Variants in MACF1 observed in about 807,000 individuals in gnomAD.
MACF1 encodes microtubule-actin cross-linking factor 1.
Under a neutral mutation model 854.8 loss-of-function variants are expected in MACF1, and 193 were observed. The observed-to-expected ratio is 0.23, with a 90% CI of 0.20 to 0.25. The LOEUF (loss-of-function observed/expected upper bound fraction) is 0.25. MACF1 is among the 10% of genes least tolerant of loss of function. MACF1 has a pLI of 1.00. For missense variants in MACF1, 7,722 were observed against 8,929.1 expected, an observed-to-expected ratio of 0.86 and a Z score of 5.45; for synonymous variants, 3,185 against 3,226.7, an observed-to-expected ratio of 0.99 and a Z score of 0.44.
intron 6 of MACF1, chr1:39,269,482 A>T: frequency 7.8e-7 from 1 of 1,289,802 alleles, no homozygotes; most frequent in Non-Finnish European, 1.0e-6. Flanking sequence ...GAGCCTTCCC[A>T]TGTGGGTCAA....
chr1:39,348,423 C>T (rs1647104970), intron 41 of MACF1, among the ~76,000 whole-genome samples: 1 of 152,134 alleles, frequency 6.6e-6, no homozygotes, highest in Admixed American at 6.5e-5. Context: ...GCTTATTAAC[C>T]TTGTTATTGT....
chr1:39,318,683 G>T (rs1646458702), intron 30 of MACF1, 68 bp downstream of exon 30: 5 of 1,427,346 alleles, frequency 3.5e-6, no homozygotes, highest in Non-Finnish European at 3.7e-6. Context: ...AAAAGAAAAT[G>T]ATGTACTGGC....
Position 39,322,709 on chromosome 1 carries a change from T to C in MACF1, c.4131T>C (p.Thr1377=), listed in dbSNP as rs1481463942. 1 of 1,613,876 alleles carries C rather than the reference T, an allele frequency of 6.2e-7. No homozygotes were observed. The highest frequency in any genetic ancestry group is 1.3e-5 in the African/African-American group (1 of 74,900). Residue 1377 remains threonine, a synonymous_variant, in exon 32 of 101, where the codon ACT becomes ACC. Transcript: ENST00000564288. Reference sequence around the variant, plus strand: ...TGCTTTCCTCTTCAGATGCCATCACTCAAGAGGTGAGAGGGTGGGGGAAGG... The same window carrying C: ...TGCTTTCCTCTTCAGATGCCATCACCCAAGAGGTGAGAGGGTGGGGGAAGG... ...RRMLSSSDAI[T]QEFMDLRTRY...
chr1:39,287,738 C>A, intron 15 of MACF1, 176 bp downstream of exon 15: 1 of 665,480 alleles, frequency 1.5e-6, no homozygotes, highest in African/African-American at 1.8e-5. Flanking sequence ...AACTCCTGGG[C>A]TGAAGTGATC....
rs760821821 is a variant in MACF1, at chr1:39,331,781, A to G, written c.5193A>G (p.Lys1731=). 8 of 1,614,166 alleles carry G rather than the reference A, an allele frequency of 5.0e-6. No homozygotes were observed. The highest frequency in any genetic ancestry group is 2.2e-5 in the East Asian group (1 of 44,880). Residue 1731 remains lysine, a synonymous_variant, in exon 37 of 101, where the codon AAA becomes AAG. Transcript: ENST00000564288. ...CAGGATTCAAATTACTGCCTGTCAA[A>G]CAATTGGCAGGGGGGATGGTGAGCT... is the stretch of plus-strand genomic sequence containing the variant. ...QESGFKLLPV[K]QLAGGMVSLK...
chr1:39,477,135 T>TAC (rs1553458204), intron 97 of MACF1, among the ~76,000 whole-genome samples: 1,200 of 103,348 alleles, frequency 0.012, 90 homozygotes, highest in African/African-American at 0.037. Context: ...TATATATATA[T>TAC]ACACACACAC....
intron 58 of MACF1, chr1:39,412,039 C>A (rs765287920): frequency 6.2e-7 from 1 of 1,613,966 alleles, no homozygotes; most frequent in Admixed American, 1.7e-5. Flanking sequence ...GCCAGCTGAT[C>A]TGGATTCACT....
chr1:39,420,818 G>C (rs572535305), intron 58 of MACF1, among the ~76,000 whole-genome samples: 30 of 151,902 alleles, frequency 2.0e-4, no homozygotes, highest in African/African-American at 7.0e-4. Flanking sequence ...ATCCAGGCTA[G>C]TGAAATATAG....
intron 63 of MACF1, 100 bp downstream of exon 63, chr1:39,428,387 T>G: frequency 8.6e-7 from 1 of 1,166,410 alleles, no homozygotes; most frequent in Non-Finnish European, 1.2e-6. Context: ...TTACAAACAC[T>G]TCAACTTTAT....
At chr1:39,213,084 A>C (rs531394196) in intron 1 of MACF1, among the ~76,000 whole-genome samples, 45 of 152,248 alleles carry the variant, frequency 3.0e-4, no homozygotes, top group Non-Finnish European at 5.6e-4. Flanking sequence ...ATGGACATGT[A>C]ATCTTGGTCA....
chr1:39,340,717 G>A lies in MACF1; in HGVS notation c.10431G>A (p.Lys3477=). The stretch of plus-strand genomic sequence containing the variant: ...TCCAGAATGCTGTGGAAATAGAAAA[G>A]GTAGCATTTTGCTTTTATTCATAAA... ...LHFQNAVEIE[K]TKVLNQHTQL... is the part of the protein sequence containing the mutation. The change falls in exon 39 of 101, where the codon AAG becomes AAA. Residue 3477 remains lysine, a splice_region_variant and synonymous_variant. Transcript: ENST00000564288. 1 of 1,613,816 alleles carries A rather than the reference G, an allele frequency of 6.2e-7. No homozygotes were observed. Among genetic ancestry groups the A allele is most frequent in the Non-Finnish European group, 8.5e-7 (1 of 1,179,880 alleles).
In MACF1 at chr1:39,084,589, C is replaced by A; in HGVS notation, c.220+151C>A. ...TTTGTTATTATTATTCTTGGAAAGACGTTGAAATAACATTAACGAAAAACT... is the reference window on the plus strand; with the variant it reads ...TTTGTTATTATTATTCTTGGAAAGAAGTTGAAATAACATTAACGAAAAACT... On this transcript the variant is annotated intron_variant, in intron 2 of 93. Coordinates refer to the MACF1 transcript ENST00000361689. This position sits in a 1 kb window ranked among gnomAD's most constrained non-coding sequence, Gnocchi z 5.2. The A allele has an allele frequency of 1.4e-6, 1 of 709,072 alleles. No individual in the cohort carries two copies. Among genetic ancestry groups the A allele is most frequent in the South Asian group, 1.9e-5 (1 of 52,376 alleles). The allele number at this position is 709,072 out of a possible 1,614,324, so 43.9% of individuals were successfully genotyped here. A position where few individuals can be genotyped will look rare whatever the true frequency, so the allele number is the denominator to read the frequency against.
chr1:39,099,805 T>C (rs1035052832), intron 2 of MACF1, among the ~76,000 whole-genome samples: 2 of 152,214 alleles, frequency 1.3e-5, no homozygotes, highest in Non-Finnish European at 2.9e-5. Flanking sequence ...ATGAAATAGA[T>C]GTCTTTGCCC....
chr1:39,467,372 A>G (rs1429599308), intron 95 of MACF1, among the ~76,000 whole-genome samples: 6 of 152,156 alleles, frequency 3.9e-5, no homozygotes, highest in Admixed American at 6.5e-5. Context: ...CTCAAAAAAA[A>G]GAAAAAGAAA....
chr1:39,166,494 T>A (rs1198791369), intron 2 of MACF1, among the ~76,000 whole-genome samples: 1 of 151,626 alleles, frequency 6.6e-6, no homozygotes, highest in Non-Finnish European at 1.5e-5. Flanking sequence ...TTCGCTCTTA[T>A]TGCCCAGGCT....
At position 39,329,281 on chromosome 1, in the gene MACF1, A is replaced by T. The variant is rs541740082; in HGVS notation, c.4615-1922A>T. On this transcript the variant is annotated intron_variant, in intron 36 of 100. Transcript: ENST00000564288. ...GTAGAAATGGAGATGAGAACCAAAT[A>T]TACTGTTCTTTCATTTGCTATCCAT... Among the ~76,000 whole-genome samples the T allele has an allele frequency of 5.3e-5, 8 of 152,310 alleles. No homozygotes were observed. In the East Asian group the frequency reaches 1.3e-3, roughly 26 times the overall value.
At chr1:39,396,773 A>G (rs1360097914) in intron 58 of MACF1, among the ~76,000 whole-genome samples, 1 of 152,190 alleles carries the variant, frequency 6.6e-6, no homozygotes, top group East Asian at 1.9e-4. Flanking sequence ...TGACTTCCAC[A>G]GGGAGTTGTG....
intron 85 of MACF1, among the ~76,000 whole-genome samples, chr1:39,451,698 CTTA>C (rs1466635068): frequency 2.0e-5 from 3 of 152,076 alleles, no homozygotes; most frequent in Non-Finnish European, 2.9e-5. Flanking sequence ...ACAACAGATT[CTTA>C]TTATGTGCAC....
At chr1:39,448,194 C>G (rs773417713) in intron 83 of MACF1, 42 bp downstream of exon 83, 1 of 1,569,610 alleles carries the variant, frequency 6.4e-7, no homozygotes, top group Non-Finnish European at 8.6e-7. Context: ...CCATAGTATT[C>G]GCTAAAGCTT....
Sources: allele counts gnomAD v4.1 joint callset (sites outside exome capture counted in the v4.1 genomes callset), GRCh38; gene constraint gnomAD v4.1.1; non-coding constraint Gnocchi (gnomAD v3.1); transcripts MANE v1.5; gene names NCBI Gene and HGNC (gene_info 2026-07-23, HGNC 2026-07-21).